The following ATP7A variants were observed in gnomAD, a reference collection of about 807,000 sequenced individuals.
ATP7A encodes the protein copper-transporting ATPase 1.
ATP7A carries 7 observed loss-of-function variants against 83.5 expected under a neutral mutation model. The observed-to-expected ratio is 0.08, with a 90% CI of 0.05 to 0.16. The LOEUF (loss-of-function observed/expected upper bound fraction) is 0.16. Ranked by LOEUF, ATP7A falls within the 10% of genes least tolerant of loss-of-function variation. The pLI, the probability that ATP7A is intolerant of heterozygous loss-of-function variation, is 1.00. For missense variants in ATP7A, 940 were observed against 1,120.8 expected (o/e 0.84, Z 2.30); for synonymous variants, 354 against 395.2 (o/e 0.90, Z 1.24).
intron 1 of ATP7A, among the ~76,000 whole-genome samples, chrX:77,960,898 A>G (rs782268966): frequency 9.0e-6 from 1 of 111,696 alleles, no homozygotes; most frequent in East Asian, 2.8e-4. Flanking sequence ...TTTCTGAGTC[A>G]TTTTGCTAAA....
At chrX:78,015,697 A>G in intron 11 of ATP7A, 57 bp from the exon 12 acceptor site, 1 of 1,198,996 alleles carries the variant, frequency 8.3e-7, no homozygotes, top group Admixed American at 2.2e-5. Flanking sequence ...GCTTACATGG[A>G]GAGGTCAGGG....
intron 1 of ATP7A, among the ~76,000 whole-genome samples, chrX:77,944,461 G>C (rs1603373984): frequency 9.0e-6 from 1 of 111,151 alleles, no homozygotes; most frequent in African/African-American, 3.3e-5. Context: ...AATTTTTTTA[G>C]AGACAGGGTC....
chrX:78,020,515 C>G, intron 13 of ATP7A, 117 bp downstream of exon 13: 1 of 926,682 alleles, frequency 1.1e-6, no homozygotes. Flanking sequence ...ATATGGAGTT[C>G]GTTTGTTTTT....
chrX:77,988,653 G>A lies in ATP7A; in HGVS notation c.532G>A (p.Glu178Lys), dbSNP rs782675275. The A allele has an allele frequency of 5.8e-6, 7 of 1,211,565 alleles. No homozygotes were observed. The highest frequency in any genetic ancestry group is 5.2e-5 in the African/African-American group (3 of 57,839). ...TGAAGTCGTGCTGAAGATGAAAGTG[G>A]AAGGGATGACCTGCCATTCATGTAC... ...AGEVVLKMKV[E>K]GMTCHSCTST... Residue 178 changes from glutamate (E) to lysine (K), a missense_variant, in exon 3 of 23, where the codon GAA becomes AAA. Glu to Lys is a moderately conservative substitution (Grantham distance 56, BLOSUM62 1). Transcript: ENST00000341514.
At chrX:78,028,212 GA>G (rs1189737547) in intron 14 of ATP7A, among the ~76,000 whole-genome samples, 2 of 103,250 alleles carry the variant, frequency 1.9e-5, no homozygotes, top group African/African-American at 7.1e-5. Context: ...TTTTGAGACC[GA>G]GTTTCGCTCT....
At chrX:77,934,898 G>T (rs1263932145) in intron 1 of ATP7A, among the ~76,000 whole-genome samples, 1 of 107,642 alleles carries the variant, frequency 9.3e-6, no homozygotes, top group Non-Finnish European at 1.9e-5. Flanking sequence ...GCACAGGCTG[G>T]AGTGTAGTGG....
chrX:77,997,506 AT>A (rs2077711773), intron 4 of ATP7A, among the ~76,000 whole-genome samples: 1 of 112,216 alleles, frequency 8.9e-6, no homozygotes, highest in Non-Finnish European at 1.9e-5. Flanking sequence ...CTAAATAGAC[AT>A]GAGCTGGTAT....
At chrX:78,004,891 AAAAAATAAAAAT>A (rs2077763216) in intron 6 of ATP7A, among the ~76,000 whole-genome samples, 1 of 111,238 alleles carries the variant, frequency 9.0e-6, no homozygotes, top group Non-Finnish European at 1.9e-5. Context: ...TCAAAAAATA[AAAAAATAAAAAT>A]AAAAATAAAA....
At chrX:77,947,240 G>A (rs138411308) in intron 1 of ATP7A, among the ~76,000 whole-genome samples, 7 of 110,959 alleles carry the variant, frequency 6.3e-5, no homozygotes, top group East Asian at 5.7e-4. Context: ...AAGTAGTACC[G>A]TGGTTACCAG....
At chrX:77,950,864 A>T (rs1557226740) in intron 1 of ATP7A, among the ~76,000 whole-genome samples, 2 of 110,105 alleles carry the variant, frequency 1.8e-5, no homozygotes, top group Non-Finnish European at 3.8e-5. Flanking sequence ...TCTACTAAAA[A>T]TACAAAAATT....
intron 2 of ATP7A, chrX:77,974,669 C>T (rs782669122): frequency 1.0e-5 from 3 of 291,790 alleles, no homozygotes; most frequent in Non-Finnish European, 1.8e-5. Context: ...TTTTTTTAAA[C>T]ATCATGAATG....
chrX:77,943,353 T>G (rs1048544587), intron 1 of ATP7A, among the ~76,000 whole-genome samples: 1 of 111,973 alleles, frequency 8.9e-6, no homozygotes, highest in African/African-American at 3.2e-5. Flanking sequence ...TGTTGTTTTC[T>G]TCACTTCCTT....
intron 1 of ATP7A, chrX:77,965,465 G>A: frequency 3.1e-6 from 1 of 319,087 alleles, no homozygotes; most frequent in Non-Finnish European, 6.1e-6. Flanking sequence ...ACCACAATGA[G>A]ATACCACTTC....
chrX:78,019,178 G>T (rs782675156), intron 12 of ATP7A, among the ~76,000 whole-genome samples: 2 of 111,924 alleles, frequency 1.8e-5, no homozygotes, highest in Non-Finnish European at 3.8e-5. Flanking sequence ...AGACTTGATG[G>T]ACTTTGGCAA....
rs1333855759 is a variant in ATP7A, at chrX:78,048,128, G to A, written c.*1558G>A. On this transcript the variant is annotated 3_prime_UTR_variant, in exon 23 of 23. Transcript: ENST00000341514. ...TTGAACTTGCCTAGTTAGTGTGGTT[G>A]GCAAATTTAGGAGCTTGTTCCCATT... 11 of 111,972 alleles carry A rather than the reference G, an allele frequency of 9.8e-5. No homozygotes were observed. The highest frequency in any genetic ancestry group is 1.9e-4 in the Non-Finnish European group (10 of 53,225). The allele number at this position is 111,972 out of a possible 1,213,427, so 9.2% of individuals were successfully genotyped here.
chrX:77,948,096 TATTTATTC>T (rs1420969786), intron 1 of ATP7A, among the ~76,000 whole-genome samples: 1,052 of 96,350 alleles, frequency 0.011, 9 homozygotes, highest in African/African-American at 0.023. Context: ...TTTATTTATT[TATTTATTC>T]ATTCATTCAT....
intron 15 of ATP7A, among the ~76,000 whole-genome samples, chrX:78,029,694 CTCCTA>C (rs1474262054): frequency 8.9e-6 from 1 of 111,892 alleles, no homozygotes; most frequent in Admixed American, 9.5e-5. Context: ...AAAACCTGGA[CTCCTA>C]TCCTAGCTCA....
chrX:77,989,334 G>T lies in ATP7A; in HGVS notation c.712G>T (p.Val238Phe). The change falls in exon 4 of 23, where the codon GTC becomes TTC. Residue 238 changes from valine to phenylalanine, a missense_variant. Coordinates refer to ENST00000341514, the MANE Select transcript of ATP7A (RefSeq NM_000052.7). ...TGAAGCTATGGGCTTTCCAGCATTT[G>T]TCAAAAAGCAGCCCAAGTACCTCAA... The part of the protein sequence containing the change: ...QIEAMGFPAF[V>F]KKQPKYLKLG... 1.7e-6 allele frequency: 2 copies of T among 1,211,586 alleles called. No homozygotes were observed. The highest frequency in any genetic ancestry group is 2.2e-6 in the Non-Finnish European group (2 of 895,429).
chrX:77,984,518 C>T (rs1478678670), intron 2 of ATP7A, among the ~76,000 whole-genome samples: 1 of 110,137 alleles, frequency 9.1e-6, no homozygotes, highest in East Asian at 2.8e-4. Flanking sequence ...CAGGCACCCA[C>T]CACCACGGCC....
Sources: gnomAD v4.1 joint callset for allele counts (sites outside exome capture counted in the v4.1 genomes callset) on GRCh38, gnomAD v4.1.1 for gene constraint, MANE v1.5 for transcripts, NCBI Gene and HGNC (gene_info 2026-07-23, HGNC 2026-07-21) for gene names.